SLC5A1: variants seen among roughly 807,000 people sequenced by gnomAD.
SLC5A1 encodes solute carrier family 5 member 1.
In SLC5A1, 42 loss-of-function variants were observed where a neutral mutation model predicts 73.5. That is an observed-to-expected ratio of 0.57 (90% confidence interval 0.45 to 0.74). SLC5A1 has a LOEUF of 0.74. SLC5A1 is among the 30% of genes least tolerant of loss of function. SLC5A1 has a pLI of 0.00. For missense variants in SLC5A1, 634 were observed against 855.4 expected (o/e 0.74, Z 3.23); for synonymous variants, 300 against 317.4 (o/e 0.95, Z 0.58).
At chr22:32,083,596 T>C (rs1210923221) in intron 7 of SLC5A1, among the ~76,000 whole-genome samples, 3 of 152,200 alleles carry the variant, frequency 2.0e-5, no homozygotes, top group Non-Finnish European at 4.4e-5. Context: ...TAGTGGGTGA[T>C]AATGTTCCTT....
chr22:32,090,109 AAAAAAAAAC>A (rs1284570258), intron 10 of SLC5A1, among the ~76,000 whole-genome samples: 3 of 151,942 alleles, frequency 2.0e-5, no homozygotes, highest in African/African-American at 7.3e-5. Flanking sequence ...TCAAAAAAAA[AAAAAAAAAC>A]AAAAAAACTT....
chr22:32,099,657 G>A (rs2094033075), intron 12 of SLC5A1, among the ~76,000 whole-genome samples: 1 of 151,966 alleles, frequency 6.6e-6, no homozygotes, highest in Admixed American at 6.5e-5. Context: ...GAACTCCTGA[G>A]CTCAAGTGAT....
chr22:32,069,047 G>A (rs1165898945), intron 5 of SLC5A1, among the ~76,000 whole-genome samples: 1 of 152,088 alleles, frequency 6.6e-6, no homozygotes, highest in Non-Finnish European at 1.5e-5. Context: ...TGAAGAATAC[G>A]TGGCATATAT....
chr22:32,067,160 C>A (rs1603115401), intron 3 of SLC5A1, 121 bp downstream of exon 3: 1 of 772,306 alleles, frequency 1.3e-6, no homozygotes, highest in Non-Finnish European at 2.2e-6. Context: ...CCCCAGGGTG[C>A]AGACAGAGGA....
chr22:32,109,480 GCTGTT>G (rs1316944102), intron 14 of SLC5A1, among the ~76,000 whole-genome samples: 1 of 152,168 alleles, frequency 6.6e-6, no homozygotes, highest in Non-Finnish European at 1.5e-5. Flanking sequence ...CGCAACAGGA[GCTGTT>G]CAGACCAGTT....
intron 5 of SLC5A1, among the ~76,000 whole-genome samples, chr22:32,071,470 T>C (rs1423759207): frequency 1.3e-5 from 2 of 151,838 alleles, no homozygotes; most frequent in African/African-American, 2.4e-5. Context: ...AATAAATGAA[T>C]GAAGATATAA....
At chr22:32,106,736 G>C (rs1334323721) in intron 14 of SLC5A1, among the ~76,000 whole-genome samples, 1 of 152,206 alleles carries the variant, frequency 6.6e-6, no homozygotes, top group African/African-American at 2.4e-5. Context: ...CTTCAGTATT[G>C]CAACTTTTCC....
At chr22:32,087,473 T>C (rs1364498331) in intron 10 of SLC5A1, among the ~76,000 whole-genome samples, 3 of 152,200 alleles carry the variant, frequency 2.0e-5, no homozygotes, top group African/African-American at 7.2e-5. Flanking sequence ...TTGACTTTTA[T>C]GCTCTTCCAA....
rs61064953 is a variant in SLC5A1, at chr22:32,060,144, TACACACACACAC to T, written c.208-6759_208-6748del. The stretch of plus-strand genomic sequence containing the variant: ...ATACATACACACATATATATACACA[TACACACACACAC>T]ACACACACACACACACACACACACA... On this transcript the variant is annotated intron_variant, in intron 2 of 14. Coordinates refer to ENST00000266088, the MANE Select transcript of SLC5A1 (RefSeq NM_000343.4). Among the ~76,000 whole-genome samples the T allele has an allele frequency of 1.9e-3, 239 of 125,008 alleles. 4 individuals are homozygous for T. The highest frequency in any genetic ancestry group is 4.0e-3 in the African/African-American group (104 of 25,820). 82.0% of individuals were successfully genotyped at this position (125,008 alleles called of 152,430 possible). A position where few individuals can be genotyped will look rare whatever the true frequency, so the allele number is the denominator to read the frequency against.
intron 5 of SLC5A1, among the ~76,000 whole-genome samples, chr22:32,071,968 CACTG>C (rs2093983546): frequency 6.6e-6 from 1 of 152,182 alleles, no homozygotes. Context: ...ACGGACCTAA[CACTG>C]ATCACTTAGC....
At chr22:32,099,389 G>T in intron 12 of SLC5A1, 38 bp downstream of exon 12, 1 of 1,579,962 alleles carries the variant, frequency 6.3e-7, no homozygotes, top group South Asian at 1.1e-5. Context: ...AAGTCATTCT[G>T]GCATAGAAGT....
chr22:32,106,109 G>T (rs540154232), intron 14 of SLC5A1, among the ~76,000 whole-genome samples: 86 of 152,252 alleles, frequency 5.6e-4, no homozygotes, highest in African/African-American at 1.9e-3. Context: ...CCCAGCAGTG[G>T]GATTACTGAA....
Position 32,068,035 on chromosome 22 carries a change from C to T in SLC5A1, c.372+9C>T. ...TCTATATTAAGGCTGGGGTAAGTATCTGCTCTGTTATTTCATTTCCTGCTG... is the reference window on the plus strand; with the variant it reads ...TCTATATTAAGGCTGGGGTAAGTATTTGCTCTGTTATTTCATTTCCTGCTG... On this transcript the variant is annotated intron_variant, in intron 4 of 14. Coordinates refer to ENST00000266088, the MANE Select transcript of SLC5A1 (RefSeq NM_000343.4). 6.2e-7 allele frequency: 1 copy of T among 1,613,184 alleles called. No individual in the cohort carries two copies.
intron 11 of SLC5A1, among the ~76,000 whole-genome samples, chr22:32,092,326 A>G (rs60666969): frequency 0.01 from 1,540 of 152,268 alleles, 25 homozygotes; most frequent in African/African-American, 0.035. Context: ...TATATACACC[A>G]TAATTTCTTT....
intron 1 of SLC5A1, among the ~76,000 whole-genome samples, chr22:32,049,435 G>A (rs2093942330): frequency 7.7e-6 from 1 of 130,076 alleles, no homozygotes; most frequent in African/African-American, 2.8e-5. Context: ...TTTTTGAGAT[G>A]GGTGTTGCTA....
At chr22:32,067,354 A>ATTATT (rs2093975290) in intron 3 of SLC5A1, among the ~76,000 whole-genome samples, 2 of 149,638 alleles carry the variant, frequency 1.3e-5, no homozygotes, top group African/African-American at 4.9e-5. Flanking sequence ...TATTATTATT[A>ATTATT]TTTTTTTTAA....
At chr22:32,105,953 T>C (rs2094044912) in intron 14 of SLC5A1, among the ~76,000 whole-genome samples, 1 of 152,234 alleles carries the variant, frequency 6.6e-6, no homozygotes, top group Non-Finnish European at 1.5e-5. Flanking sequence ...CTCCATTGTG[T>C]ATATGTACCC....
At chr22:32,063,742 T>G (rs1416649405) in intron 2 of SLC5A1, among the ~76,000 whole-genome samples, 1 of 152,054 alleles carries the variant, frequency 6.6e-6, no homozygotes, top group Non-Finnish European at 1.5e-5. Context: ...TGTTGAGAGA[T>G]AGTGACAGGC....
At position 32,099,315 on chromosome 22, in the gene SLC5A1, C is replaced by T. The variant is rs2094032433; in HGVS notation, c.1413C>T (p.Phe471=). Residue 471 remains phenylalanine, a synonymous_variant, in exon 12 of 15, where the codon TTC becomes TTT. Transcript: ENST00000266088. ...SYLGPPIAAV[F]LLAIFWKRVN... is the part of the protein sequence containing the mutation. ...TGGGACCACCCATTGCGGCTGTCTT[C>T]CTGCTTGCTATTTTCTGGAAGAGAG... 2 of 1,613,330 alleles carry T rather than the reference C, an allele frequency of 1.2e-6. No homozygotes were observed. The highest frequency in any genetic ancestry group is 1.7e-6 in the Non-Finnish European group (2 of 1,179,722).
Sources: allele counts gnomAD v4.1 joint callset (sites outside exome capture counted in the v4.1 genomes callset), GRCh38; gene constraint gnomAD v4.1.1; transcripts MANE v1.5; gene names NCBI Gene and HGNC (gene_info 2026-07-23, HGNC 2026-07-21).